Variants in CASKIN2 observed in about 807,000 individuals in gnomAD.
CASKIN2 encodes the protein CASK interacting protein 2.
In CASKIN2, 41 loss-of-function variants were observed where a neutral mutation model predicts 107.1. The ratio of observed to expected loss-of-function variants is 0.38; its 90% CI spans 0.30 to 0.50. The LOEUF (loss-of-function observed/expected upper bound fraction) is 0.50. Ranked by LOEUF, CASKIN2 falls within the 20% of genes least tolerant of loss-of-function variation. The probability of loss-of-function intolerance (pLI) is 0.92; values close to 1 mark genes in which losing one functional copy is unlikely to be tolerated. For missense variants in CASKIN2, 1,546 were observed against 1,657.4 expected (o/e 0.93, Z 1.17); for synonymous variants, 724 against 705.6 (o/e 1.03, Z -0.41).
At chr17:75,504,759 G>T (rs1184916391) in intron 11 of CASKIN2, 53 bp downstream of exon 11, 5 of 1,576,300 alleles carry the variant, frequency 3.2e-6, no homozygotes, top group Non-Finnish European at 4.3e-6. Flanking sequence ...CTGGCAGCTT[G>T]CCCAGGCCAC....
chr17:75,509,009 C>A (rs1194937371), intron 2 of CASKIN2, among the ~76,000 whole-genome samples: 4 of 152,248 alleles, frequency 2.6e-5, no homozygotes, highest in African/African-American at 9.6e-5. Context: ...AGGGCCCATA[C>A]TGTCCCCACT....
At position 75,501,535 on chromosome 17, in the gene CASKIN2, T is replaced by C. The variant is rs1222836821; in HGVS notation, c.3451A>G (p.Thr1151Ala). The change falls in exon 19 of 20, where the codon ACC becomes GCC. Residue 1151 changes from threonine to alanine, a missense_variant. Thr to Ala is a moderately conservative substitution (Grantham distance 58). This residue lies in a region of CASKIN2 where 1,311 missense variants were observed against 1,311.0 expected (regional missense o/e 1.00). Transcript: ENST00000321617. ...PGQAQQRLEQ[T>A]SSSLAAALRA... The stretch of plus-strand genomic sequence containing the variant: ...AGTGCAGCTGCCAGGGACGAGCTGG[T>C]CTGCTCCAGTCTCTGCTGGGCCTGG... The C allele has an allele frequency of 6.2e-7, 1 of 1,612,462 alleles. No individual in the cohort carries two copies. The highest frequency in any genetic ancestry group is 2.2e-5 in the East Asian group (1 of 44,856).
chr17:75,513,636 C>G, intron 2 of CASKIN2, 75 bp downstream of exon 2: 25 of 1,077,398 alleles, frequency 2.3e-5, no homozygotes, highest in Non-Finnish European at 3.1e-5. Flanking sequence ...ATCACAGTGA[C>G]CCACCCCCAC....
rs756249348 is a variant in CASKIN2 at position 75,505,844 on chromosome 17, C to T, written c.812G>A (p.Arg271Gln). The change falls in exon 9 of 20, where the codon CGG (arginine) becomes CAG (glutamine). Residue 271 changes from arginine (R) to glutamine (Q), a missense_variant. Physicochemically the swap from Arg to Gln is conservative, Grantham distance 43. Around this residue, in one of 6 missense-constraint regions of CASKIN2, gnomAD observed 1,311 missense variants for 1,311.0 expected, o/e 1.00. Transcript: ENST00000321617. The surrounding 1 kb of genome is among the most constrained non-coding windows in gnomAD (Gnocchi z 5.1). ...VNQFTTSQAS[R>Q]EIKQLLREAS... Reference sequence around the variant, plus strand: ...ACCCCGCAGTAGCTGCTTGATTTCCCGGCTGGCCTGGGAGGTGGTGAACTG... The same window carrying T: ...ACCCCGCAGTAGCTGCTTGATTTCCTGGCTGGCCTGGGAGGTGGTGAACTG... 59 of 1,613,210 alleles carry T rather than the reference C, an allele frequency of 3.7e-5. 1 individual carries two copies. The highest frequency in any genetic ancestry group is 2.5e-4 in the South Asian group (23 of 91,060).
chr17:75,504,838 C>G lies in CASKIN2; in HGVS notation c.1166G>C (p.Arg389Pro), dbSNP rs773780072. The G allele has an allele frequency of 6.2e-7, 1 of 1,610,996 alleles. No individual in the cohort carries two copies. The highest frequency in any genetic ancestry group is 1.1e-5 in the South Asian group (1 of 90,862). Residue 389 changes from arginine to proline, a missense_variant, in exon 11 of 20, where the codon CGG becomes CCG. This residue lies in a region of CASKIN2 where 1,311 missense variants were observed against 1,311.0 expected (regional missense o/e 1.00). Transcript: ENST00000321617. ...PHPLTYSQLP[R>P]VGLSPDSPAG... ...TGGGCTGTCTGGGCTGAGGCCCACCCGAGGAAGCTGGCTGTAGGTAAGAGG... is the reference window on the plus strand; with the variant it reads ...TGGGCTGTCTGGGCTGAGGCCCACCGGAGGAAGCTGGCTGTAGGTAAGAGG...
In CASKIN2 at chr17:75,501,609, CG is replaced by C; in HGVS notation, c.3376del (p.Arg1126AlafsTer34). Reference protein sequence around the residue: ...GPKLAPRLGPRPVPPPRPEST... With the variant: ...GPKLAPRLGPXPVPPPRPEST... ...CTCAGGCCGTGGAGGAGGCACTGGG[CG>C]GGGGCCGAGCCGGGGCGCTAGCTTA... On this transcript the variant is annotated frameshift_variant, in exon 19 of 20. Coordinates refer to ENST00000321617, the MANE Select transcript of CASKIN2 (RefSeq NM_020753.5). LOFTEE classifies it high-confidence loss of function. The C allele has an allele frequency of 1.2e-6, 2 of 1,602,602 alleles. No individual in the cohort carries two copies. Among genetic ancestry groups the C allele is most frequent in the East Asian group, 2.2e-5 (1 of 44,624 alleles).
chr17:75,509,011 G>A (rs1417292379), intron 2 of CASKIN2, among the ~76,000 whole-genome samples: 5 of 152,228 alleles, frequency 3.3e-5, no homozygotes, highest in Non-Finnish European at 7.3e-5. Context: ...GGCCCATACT[G>A]TCCCCACTGG....
intron 14 of CASKIN2, 22 bp from the exon 15 acceptor site, chr17:75,503,984 C>T (rs1208037436): frequency 6.3e-7 from 1 of 1,590,274 alleles, no homozygotes; most frequent in Middle Eastern, 1.9e-4. Context: ...GGGAAGGGGG[C>T]AGAATTAGCA....
In CASKIN2 at chr17:75,503,982, G is replaced by A; in HGVS notation, c.1468-20C>T. ...CGCGTCCTGCGGGGTGGGGGAAGGG[G>A]GCAGAATTAGCAGGAGCTGGACCAA... On this transcript the variant is annotated intron_variant, in intron 14 of 19. Transcript: ENST00000321617. 2 of 1,595,734 alleles carry A rather than the reference G, an allele frequency of 1.3e-6. No homozygotes were observed. Among genetic ancestry groups the A allele is most frequent in the Non-Finnish European group, 1.7e-6 (2 of 1,169,862 alleles).
At position 75,513,741 on chromosome 17, in the gene CASKIN2, G is replaced by A. The variant is rs1351034567; in HGVS notation, c.64C>T (p.Leu22=). ...KNGDVTGVQK[L]VAKVKATKTK... ...TTTGTGGCCTTGACCTTCGCCACCA[G>A]TTTCTGCACACCGGTCACATCTCCA... The change falls in exon 2 of 20, where the codon CTG becomes TTG. Residue 22 remains leucine, a synonymous_variant. Transcript: ENST00000321617. 7 of 1,611,350 alleles carry A rather than the reference G, an allele frequency of 4.3e-6. No individual in the cohort carries two copies. The highest frequency in any genetic ancestry group is 5.9e-6 in the Non-Finnish European group (7 of 1,178,602).
rs1483669153 is a variant in CASKIN2 at position 75,503,536 on chromosome 17, G to C, written c.1681-9C>G. On this transcript the variant is annotated splice_polypyrimidine_tract_variant and intron_variant, in intron 16 of 19. Coordinates refer to ENST00000321617, the MANE Select transcript of CASKIN2 (RefSeq NM_020753.5). ...CACTCCAGCAGGTCCGTCTGGAAGAGCACCGTCCTCAGAACAACTCCCAGC... is the reference window on the plus strand; with the variant it reads ...CACTCCAGCAGGTCCGTCTGGAAGACCACCGTCCTCAGAACAACTCCCAGC... 10 of 1,606,896 alleles carry C rather than the reference G, an allele frequency of 6.2e-6. No individual in the cohort carries two copies. Among genetic ancestry groups the C allele is most frequent in the Non-Finnish European group, 4.2e-6 (5 of 1,178,332 alleles).
At chr17:75,512,938 G>A (rs191518680) in intron 2 of CASKIN2, among the ~76,000 whole-genome samples, 8 of 151,696 alleles carry the variant, frequency 5.3e-5, no homozygotes, top group African/African-American at 1.9e-4. Context: ...ATCCTCTTAA[G>A]ACACGAACAT....
intron 2 of CASKIN2, chr17:75,509,445 A>G: frequency 2.5e-6 from 1 of 406,640 alleles, no homozygotes; most frequent in Non-Finnish European, 3.3e-6. Flanking sequence ...CCAACCTGGC[A>G]GTAGGGAACA....
At chr17:75,507,227 G>T in intron 4 of CASKIN2, 98 bp from the exon 5 acceptor site, 1 of 1,355,742 alleles carries the variant, frequency 7.4e-7, no homozygotes, top group Non-Finnish European at 9.9e-7. Flanking sequence ...TGGGAGGGCA[G>T]AGAGCCCACG....
Position 75,500,707 on chromosome 17 carries a change from T to G in CASKIN2, c.*373A>C. The G allele has an allele frequency of 3.8e-6, 1 of 263,750 alleles. No homozygotes were observed. Among genetic ancestry groups the G allele is most frequent in the Admixed American group, 5.1e-5 (1 of 19,756 alleles). 16.3% of individuals were successfully genotyped at this position (263,750 alleles called of 1,614,324 possible). On this transcript the variant is annotated 3_prime_UTR_variant, in exon 20 of 20. Coordinates refer to ENST00000321617, the MANE Select transcript of CASKIN2 (RefSeq NM_020753.5). ...TGGTGGGTGGCAAGAGGCATTCCCT[T>G]GGCACAACTTGGGACATGGGCTGGG...
chr17:75,500,419 G>A lies in CASKIN2; in HGVS notation c.*661C>T, dbSNP rs1033086398. On this transcript the variant is annotated 3_prime_UTR_variant, in exon 20 of 20. Coordinates refer to ENST00000321617, the MANE Select transcript of CASKIN2 (RefSeq NM_020753.5). ...GCCCCTCCCCCATTGTGTCCTCTCAGGCAGTTGATAGAATAAATTCCATTT... is the reference window on the plus strand; with the variant it reads ...GCCCCTCCCCCATTGTGTCCTCTCAAGCAGTTGATAGAATAAATTCCATTT... 2.6e-5 allele frequency: 4 copies of A among 152,704 alleles called. No homozygotes were observed. Among genetic ancestry groups the A allele is most frequent in the African/African-American group, 2.4e-5 (1 of 41,454 alleles). 9.5% of individuals were successfully genotyped at this position (152,704 alleles called of 1,614,324 possible).
rs1220673814 is a variant in CASKIN2 at position 75,503,590 on chromosome 17, AG to A, written c.1681-64del. 3.1e-6 allele frequency: 5 copies of A among 1,603,414 alleles called. No homozygotes were observed. In the East Asian group the frequency reaches 1.1e-4, roughly 36 times the overall value. On this transcript the variant is annotated intron_variant, in intron 16 of 19. Coordinates refer to ENST00000321617, the MANE Select transcript of CASKIN2 (RefSeq NM_020753.5). Reference sequence around the variant, plus strand: ...CCTCCGCCCCCAGCCAGAGGAGAAAAGGCACCGCAAAGCCACAGCTGAGGGT... The same window carrying A: ...CCTCCGCCCCCAGCCAGAGGAGAAAAGCACCGCAAAGCCACAGCTGAGGGT...
intron 2 of CASKIN2, among the ~76,000 whole-genome samples, chr17:75,508,704 AG>A (rs1335141166): frequency 6.6e-6 from 1 of 152,216 alleles, no homozygotes; most frequent in Admixed American, 6.5e-5. Flanking sequence ...ATTCAAGGGC[AG>A]GCCACGATGC....
Position 75,513,619 on chromosome 17 carries a change from T to C in CASKIN2, c.94+92A>G, listed in dbSNP as rs1411853183. The C allele has an allele frequency of 3.9e-6, 4 of 1,033,614 alleles. No homozygotes were observed. In the African/African-American group the frequency reaches 4.7e-5, roughly 12 times the overall value. The allele number at this position is 1,033,614 out of a possible 1,614,324, so 64.0% of individuals were successfully genotyped here. A position where few individuals can be genotyped will look rare whatever the true frequency, so the allele number is the denominator to read the frequency against. On this transcript the variant is annotated intron_variant, in intron 2 of 19. Transcript: ENST00000321617. ...AACAAGACAGTCCACCCTCCTCAAA[T>C]ATGCAGATCACAGTGACCCACCCCC...
Sources: gnomAD v4.1 joint callset for allele counts (sites outside exome capture counted in the v4.1 genomes callset) on GRCh38, gnomAD v4.1.1 for gene constraint, gnomAD v4.1.1 regional missense constraint, Gnocchi (gnomAD v3.1) non-coding constraint, MANE v1.5 for transcripts, NCBI Gene and HGNC (gene_info 2026-07-23, HGNC 2026-07-21) for gene names.